COA8: variants seen among roughly 807,000 people sequenced by gnomAD.
COA8 encodes cytochrome c oxidase assembly factor 8.
In COA8, 20 loss-of-function variants were observed where a neutral mutation model predicts 22.0. That is an observed-to-expected ratio of 0.91 (90% confidence interval 0.64 to 1.32). COA8 has a LOEUF of 1.32. COA8 is among the 40% of genes most tolerant of loss of function. COA8 has a pLI of 0.00. For missense variants in COA8, 266 were observed against 230.0 expected (o/e 1.16, Z -1.01); for synonymous variants, 105 against 79.9 (o/e 1.31, Z -1.68).
chr14:103,583,625 A>G (rs1000866638), intron 3 of COA8, among the ~76,000 whole-genome samples: 4 of 151,188 alleles, frequency 2.6e-5, no homozygotes, highest in Admixed American at 6.6e-5. Context: ...CACTTCTCCA[A>G]CTCCTCAACA....
chr14:103,590,149 G>T (rs372283863), intron 4 of COA8, 32 bp from the exon 5 acceptor site: 1 of 1,593,384 alleles, frequency 6.3e-7, no homozygotes, highest in Non-Finnish European at 8.6e-7. Flanking sequence ...CCCTGCCACC[G>T]TGTCACCTGT....
rs2151190003 is a variant in COA8, at chr14:103,590,379, CAAG to C, written c.*97_*99del. On this transcript the variant is annotated 3_prime_UTR_variant, in exon 5 of 5. Transcript: ENST00000409074. Reference sequence around the variant, plus strand: ...CTCTGAGAAAAACTGGAGCTGATCTCAAGAAGCCCCACATCTTCCTAAGGGGCC... The same window carrying C: ...CTCTGAGAAAAACTGGAGCTGATCTCAAGCCCCACATCTTCCTAAGGGGCC... 8.1e-7 allele frequency: 1 copy of C among 1,230,232 alleles called. No individual in the cohort carries two copies. Among genetic ancestry groups the C allele is most frequent in the East Asian group, 2.4e-5 (1 of 42,150 alleles). 76.2% of individuals were successfully genotyped at this position (1,230,232 alleles called of 1,614,324 possible). A position where few individuals can be genotyped will look rare whatever the true frequency, so the allele number is the denominator to read the frequency against.
intron 4 of COA8, among the ~76,000 whole-genome samples, chr14:103,589,128 C>T (rs926753515): frequency 6.6e-6 from 1 of 152,164 alleles, no homozygotes; most frequent in Non-Finnish European, 1.5e-5. Flanking sequence ...CTGGCCCCCA[C>T]CACCACCTCC....
rs2076324164 is a variant in COA8 at position 103,588,131 on chromosome 14, A to AC, written c.476+767_476+768insC. 9.5e-6 allele frequency: 3 copies of AC among 314,946 alleles called. No individual in the cohort carries two copies. In the Admixed American group the frequency reaches 1.5e-4, roughly 16 times the overall value. 19.5% of individuals were successfully genotyped at this position (314,946 alleles called of 1,614,324 possible). On this transcript the variant is annotated intron_variant, in intron 4 of 4. Coordinates refer to ENST00000409074, the MANE Select transcript of COA8 (RefSeq NM_001370595.2). ...AACTCCATCTCAAAAAAAAAAAAAA[A>AC]AAAAAAAAACGGGTTTTAGCTGGTT...
Position 103,571,767 on chromosome 14 carries a change from A to G in COA8, c.268A>G (p.Thr90Ala), listed in dbSNP as rs773287162. 1 of 1,614,200 alleles carries G rather than the reference A, an allele frequency of 6.2e-7. No homozygotes were observed. Among genetic ancestry groups the G allele is most frequent in the Admixed American group, 1.7e-5 (1 of 60,022 alleles). ...AAAGCTTAGAAAATTAAGACAAGAA[A>G]CACAAGAATGGAATCAACAGTTCTG... ...EQKLRKLRQE[T>A]QEWNQQFWAN... Residue 90 changes from threonine to alanine, a missense_variant, in exon 2 of 5, where the codon ACA (threonine) becomes GCA (alanine). Transcript: ENST00000409074.
At chr14:103,587,563 A>G (rs375816782) in intron 4 of COA8, among the ~76,000 whole-genome samples, 199 bp downstream of exon 4, 19 of 139,184 alleles carry the variant, frequency 1.4e-4, no homozygotes, top group African/African-American at 4.7e-4. Context: ...GCTGGAGTGC[A>G]GTGGCGCCAT....
chr14:103,574,100 T>TTTTTTG lies in COA8; in HGVS notation c.322-4_322-3insTTGTTT, dbSNP rs1163565139. The TTTTTTG allele has an allele frequency of 1.3e-6, 2 of 1,536,016 alleles. No individual in the cohort carries two copies. Among genetic ancestry groups the TTTTTTG allele is most frequent in the Admixed American group, 4.4e-5 (2 of 45,404 alleles). The stretch of plus-strand genomic sequence containing the variant: ...AGCCTTTTTTTTTTTTTTTTTTTTT[T>TTTTTTG]TTTAAGGAAAAAGAAGAATTTATTC... On this transcript the variant is annotated splice_polypyrimidine_tract_variant and splice_region_variant and intron_variant, in intron 2 of 4. Coordinates refer to ENST00000409074, the MANE Select transcript of COA8 (RefSeq NM_001370595.2).
At chr14:103,563,280 C>T (rs182544886) in intron 1 of COA8, 156 bp downstream of exon 1, 9 of 999,838 alleles carry the variant, frequency 9.0e-6, no homozygotes, top group East Asian at 2.6e-5. Context: ...CCCCGAGGCT[C>T]CCGCATCAAC....
intron 4 of COA8, 116 bp downstream of exon 4, chr14:103,587,480 C>A: frequency 4.0e-5 from 19 of 477,876 alleles, no homozygotes; most frequent in Non-Finnish European, 6.9e-5. Flanking sequence ...AGTTGCAAGA[C>A]TTTATCAACT....
At chr14:103,571,348 GAC>G (rs2076182839) in intron 1 of COA8, among the ~76,000 whole-genome samples, 1 of 151,842 alleles carries the variant, frequency 6.6e-6, no homozygotes, top group Non-Finnish European at 1.5e-5. Flanking sequence ...CAGCCTGAGC[GAC>G]AGAGTGAGAC....
Position 103,574,093 on chromosome 14 carries a change from T to TTTC in COA8, c.322-12_322-11insCTT. ...TTCTGAGAGCCTTTTTTTTTTTTTT[T>TTTC]TTTTTTTTTTAAGGAAAAAGAAGAA... On this transcript the variant is annotated splice_polypyrimidine_tract_variant and intron_variant, in intron 2 of 4. Transcript: ENST00000409074. 1 of 1,506,648 alleles carries TTTC rather than the reference T, an allele frequency of 6.6e-7. No homozygotes were observed. Among genetic ancestry groups the TTTC allele is most frequent in the Non-Finnish European group, 8.8e-7 (1 of 1,133,944 alleles). 93.3% of individuals were successfully genotyped at this position (1,506,648 alleles called of 1,614,324 possible). A position where few individuals can be genotyped will look rare whatever the true frequency, so the allele number is the denominator to read the frequency against.
chr14:103,564,780 C>T (rs914506902), intron 1 of COA8, among the ~76,000 whole-genome samples: 1 of 151,900 alleles, frequency 6.6e-6, no homozygotes, highest in Non-Finnish European at 1.5e-5. Flanking sequence ...CAGGGTTTCA[C>T]CTGTTGGCCA....
intron 1 of COA8, among the ~76,000 whole-genome samples, chr14:103,569,139 A>G (rs1291293356): frequency 2.6e-5 from 4 of 152,168 alleles, no homozygotes; most frequent in African/African-American, 4.8e-5. Context: ...AGCATAGCCA[A>G]TGGGACACCA....
At position 103,586,200 on chromosome 14, in the gene COA8, C is replaced by CTTTTTT. The variant is rs71126040; in HGVS notation, c.386-1057_386-1052dup. Among the ~76,000 whole-genome samples the CTTTTTT allele has an allele frequency of 1.4e-3, 129 of 92,684 alleles. 4 individuals carry two copies. The highest frequency in any genetic ancestry group is 1.8e-3 in the Admixed American group (13 of 7,232). 60.8% of individuals were successfully genotyped at this position (92,684 alleles called of 152,430 possible). A position where few individuals can be genotyped will look rare whatever the true frequency, so the allele number is the denominator to read the frequency against. On this transcript the variant is annotated intron_variant, in intron 3 of 4. Coordinates refer to ENST00000409074, the MANE Select transcript of COA8 (RefSeq NM_001370595.2). ...ATAGGCGTGAGCCACTGCACCTGGC[C>CTTTTTT]TTTTTTTTTTTTTTTTTTTTTTAAC... is the stretch of plus-strand genomic sequence containing the variant.
At chr14:103,573,595 CA>C (rs2076205257) in intron 2 of COA8, among the ~76,000 whole-genome samples, 2 of 151,988 alleles carry the variant, frequency 1.3e-5, no homozygotes, top group African/African-American at 4.8e-5. Flanking sequence ...CTCTGTTGTC[CA>C]GGCTGGAGTG....
In COA8 at chr14:103,563,244, G is replaced by C. The variant is rs1162924649; in HGVS notation, c.123+120G>C. The C allele has an allele frequency of 2.2e-6, 3 of 1,352,720 alleles. No homozygotes were observed. In the Admixed American group the frequency reaches 5.9e-5, roughly 27 times the overall value. 83.8% of individuals were successfully genotyped at this position (1,352,720 alleles called of 1,614,324 possible). A position where few individuals can be genotyped will look rare whatever the true frequency, so the allele number is the denominator to read the frequency against. ...CTCAGGCCTTTGTCCAGGTGCTCTC[G>C]CGTCCTATCCCGAACAGTCCCGCAG... On this transcript the variant is annotated intron_variant, in intron 1 of 4. Transcript: ENST00000409074.
intron 3 of COA8, among the ~76,000 whole-genome samples, chr14:103,584,146 C>T (rs1300078045): frequency 1.3e-5 from 2 of 152,154 alleles, no homozygotes; most frequent in East Asian, 1.9e-4. Flanking sequence ...AAGCAACCCT[C>T]CCTCGGCCCC....
intron 1 of COA8, among the ~76,000 whole-genome samples, chr14:103,569,771 A>G (rs1027391232): frequency 1.3e-5 from 2 of 152,262 alleles, no homozygotes; most frequent in Admixed American, 6.5e-5. Context: ...GGAGAAGCCC[A>G]TGAACATTTT....
In COA8 at chr14:103,563,054, C is replaced by T; in HGVS notation, c.53C>T (p.Ala18Val). The T allele has an allele frequency of 6.5e-7, 1 of 1,539,114 alleles. No individual in the cohort carries two copies. Among genetic ancestry groups the T allele is most frequent in the Non-Finnish European group, 8.7e-7 (1 of 1,147,842 alleles). ...ACCTTTCTCCCCCCTCTCTGCCGCG[C>T]CTTCGCCTGCCGCGGCTGTCAACTC... ...KKTFLPPLCR[A>V]FACRGCQLAP... The change falls in exon 1 of 5, where the codon GCC becomes GTC. Residue 18 changes from alanine to valine, a missense_variant. Physicochemically the swap from Ala to Val is moderately conservative, Grantham distance 64. Transcript: ENST00000409074.
Sources: allele counts gnomAD v4.1 joint callset (sites outside exome capture counted in the v4.1 genomes callset), GRCh38; gene constraint gnomAD v4.1.1; transcripts MANE v1.5; gene names NCBI Gene and HGNC (gene_info 2026-07-23, HGNC 2026-07-21).